FLNB: variants seen among roughly 807,000 people sequenced by gnomAD.
The protein encoded by FLNB is filamin B, also known as filamin-B.
FLNB carries 111 observed loss-of-function variants against 250.6 expected under a neutral mutation model. The ratio of observed to expected loss-of-function variants is 0.44; its 90% confidence interval spans 0.38 to 0.52. The LOEUF (loss-of-function observed/expected upper bound fraction) is 0.52. Among genes scored for constraint, FLNB ranks in the 20% least tolerant of loss-of-function variants. The pLI is 0.00. For missense variants in FLNB, 2,869 were observed against 3,447.8 expected (o/e 0.83, Z 4.20); for synonymous variants, 1,302 against 1,372.1 (o/e 0.95, Z 1.13).
chr3:58,163,127 AC>A (rs779791989), intron 42 of FLNB, 26 bp from the exon 43 acceptor site: 1 of 1,613,038 alleles, frequency 6.2e-7, no homozygotes, highest in Non-Finnish European at 8.5e-7. Context: ...GCTTGATTTC[AC>A]CCTGTGCCTT....
At chr3:58,153,690 C>T (rs748368879) in intron 39 of FLNB, 49 bp downstream of exon 39, 2 of 1,607,830 alleles carry the variant, frequency 1.2e-6, no homozygotes, top group Non-Finnish European at 1.7e-6. Context: ...GAGTTGAGCC[C>T]AGGCAGTGTG....
At chr3:58,090,634 T>C (rs2097225328) in intron 4 of FLNB, among the ~76,000 whole-genome samples, 1 of 152,234 alleles carries the variant, frequency 6.6e-6, no homozygotes, top group Non-Finnish European at 1.5e-5. Context: ...CATCATTGTA[T>C]GTGTGGACTA....
rs141387583 is a variant in FLNB, at chr3:58,099,654, C to G, written c.1345+746C>G. Among the ~76,000 whole-genome samples the G allele has an allele frequency of 4.8e-3, 728 of 152,310 alleles. 3 individuals are homozygous for G. Among genetic ancestry groups the G allele is most frequent in the Admixed American group, 7.8e-3 (119 of 15,300 alleles). ...CGTCTGCAGACGTGGCTTCCTCTTC[C>G]GAATCCTACCTCTGGGCCAGCCTGG... On this transcript the variant is annotated intron_variant, in intron 8 of 45. Coordinates refer to ENST00000295956, the MANE Select transcript of FLNB (RefSeq NM_001457.4).
At chr3:58,035,025 C>T (rs1474270242) in intron 1 of FLNB, among the ~76,000 whole-genome samples, 2 of 152,216 alleles carry the variant, frequency 1.3e-5, no homozygotes, top group African/African-American at 4.8e-5. Flanking sequence ...ATCACATGTT[C>T]TACCTGAAAT....
At chr3:58,032,734 C>A (rs1223739846) in intron 1 of FLNB, among the ~76,000 whole-genome samples, 2 of 152,136 alleles carry the variant, frequency 1.3e-5, no homozygotes, top group Admixed American at 1.3e-4. Context: ...GTATCCCAGG[C>A]ACCTGCATAT....
At position 58,147,111 on chromosome 3, in the gene FLNB, A is replaced by C. The variant is rs1319046967; in HGVS notation, c.5728+118A>C. 3.8e-6 allele frequency: 4 copies of C among 1,042,224 alleles called. 1 individual carries two copies. The highest frequency in any genetic ancestry group is 2.9e-5 in the South Asian group (2 of 68,918). The allele number at this position is 1,042,224 out of a possible 1,614,324, so 64.6% of individuals were successfully genotyped here. A position where few individuals can be genotyped will look rare whatever the true frequency, so the allele number is the denominator to read the frequency against. ...ACGTCTCTTTGAGTTTAGGTTTCAC[A>C]GAGACTTGTTGAGGAGGAGCAGGGG... On this transcript the variant is annotated intron_variant, in intron 34 of 45. Transcript: ENST00000295956.
intron 1 of FLNB, among the ~76,000 whole-genome samples, chr3:58,026,003 G>A (rs552118166): frequency 1.3e-3 from 195 of 152,322 alleles, no homozygotes; most frequent in Non-Finnish European, 2.3e-3. Context: ...TCTTGGCACC[G>A]TGCCTGGCTT....
rs570114744 is a variant in FLNB, at chr3:58,082,200, C to A, written c.787+424C>A. Among the ~76,000 whole-genome samples, 8 of 152,300 alleles carry A rather than the reference C, an allele frequency of 5.3e-5. No homozygotes were observed. The East Asian group carries it at 1.5e-3, about 29-fold the overall frequency. Reference sequence around the variant, plus strand: ...CAGCCGGAGTGGGAGCTATTGTTAACCCCTGGCAGATACTTCCTTGCTAAG... The same window carrying A: ...CAGCCGGAGTGGGAGCTATTGTTAAACCCTGGCAGATACTTCCTTGCTAAG... On this transcript the variant is annotated intron_variant, in intron 4 of 45. Coordinates refer to ENST00000295956, the MANE Select transcript of FLNB (RefSeq NM_001457.4).
At chr3:58,082,907 GT>G (rs1342261316) in intron 4 of FLNB, among the ~76,000 whole-genome samples, 1 of 152,158 alleles carries the variant, frequency 6.6e-6, no homozygotes, top group Non-Finnish European at 1.5e-5. Context: ...CCCTTTGTGT[GT>G]GTTTGCATAT....
intron 43 of FLNB, chr3:58,166,216 T>C (rs1379244685): frequency 6.6e-6 from 1 of 152,242 alleles, no homozygotes; most frequent in Non-Finnish European, 1.5e-5. Flanking sequence ...AACCCCTGCT[T>C]TCTCTTTTCC....
rs1219893920 is a variant in FLNB at position 58,060,997 on chromosome 3, C to T, written c.293-16049C>T. On this transcript the variant is annotated intron_variant, in intron 1 of 45. Transcript: ENST00000295956. Reference sequence around the variant, plus strand: ...GAGGAATGGAAGGCATTTGGATGGCCACTGAGAAAGCTGAGCCAAGGAGCA... The same window carrying T: ...GAGGAATGGAAGGCATTTGGATGGCTACTGAGAAAGCTGAGCCAAGGAGCA... 2.6e-5 allele frequency among the ~76,000 whole-genome samples: 4 copies of T among 152,130 alleles called. No individual in the cohort carries two copies. In the East Asian group the frequency reaches 7.7e-4, roughly 29 times the overall value.
At chr3:58,144,552 G>T (rs965023178) in intron 32 of FLNB, among the ~76,000 whole-genome samples, 2 of 152,196 alleles carry the variant, frequency 1.3e-5, no homozygotes, top group African/African-American at 4.8e-5. Context: ...CCCCAGTGTT[G>T]CTGCGCAAAT....
rs1363745136 is a variant in FLNB, at chr3:58,043,632, G to A, written c.293-33414G>A. ...TCTGCTTCATTCATTTTGGCTCTATGTGGTGGCAGAAGGGCTTCTGGCATC... is the reference window on the plus strand; with the variant it reads ...TCTGCTTCATTCATTTTGGCTCTATATGGTGGCAGAAGGGCTTCTGGCATC... On this transcript the variant is annotated intron_variant, in intron 1 of 45. Coordinates refer to ENST00000295956, the MANE Select transcript of FLNB (RefSeq NM_001457.4). Among the ~76,000 whole-genome samples the A allele has an allele frequency of 3.3e-5, 5 of 152,122 alleles. No homozygotes were observed. The South Asian group carries it at 8.3e-4, about 25-fold the overall frequency.
chr3:58,011,357 A>AT (rs1166039563), intron 1 of FLNB, among the ~76,000 whole-genome samples: 3 of 151,596 alleles, frequency 2.0e-5, no homozygotes, highest in Non-Finnish European at 2.9e-5. Context: ...CTTGCATTCT[A>AT]TTTTTTTCCT....
chr3:58,134,497 G>A (rs1000561002), intron 26 of FLNB, 119 bp from the exon 27 acceptor site: 2 of 1,192,228 alleles, frequency 1.7e-6, no homozygotes, highest in South Asian at 1.2e-5. Flanking sequence ...CTAACTCACT[G>A]TCTTATCTGC....
At position 58,148,769 on chromosome 3, in the gene FLNB, G is replaced by A. The variant is rs563096120; in HGVS notation, c.6008G>A (p.Arg2003His). Residue 2003 changes from arginine (R) to histidine (H), a missense_variant, in exon 36 of 46, where the codon CGC becomes CAC. Coordinates refer to ENST00000295956, the MANE Select transcript of FLNB (RefSeq NM_001457.4). ...GTCCAGTCGGAGATTGGTGACGCCCGCCGAGCCAAAGTCTATGGCCGCGGC... is the reference window on the plus strand; with the variant it reads ...GTCCAGTCGGAGATTGGTGACGCCCACCGAGCCAAAGTCTATGGCCGCGGC... ...MVVQSEIGDA[R>H]RAKVYGRGLS... 2.5e-5 allele frequency: 40 copies of A among 1,614,030 alleles called. No homozygotes were observed. The highest frequency in any genetic ancestry group is 2.1e-4 in the South Asian group (19 of 91,068).
intron 1 of FLNB, among the ~76,000 whole-genome samples, chr3:58,039,568 T>C (rs985984557): frequency 6.6e-6 from 1 of 152,200 alleles, no homozygotes; most frequent in African/African-American, 2.4e-5. Flanking sequence ...GACTTGACTC[T>C]ACTGTAATTC....
intron 1 of FLNB, among the ~76,000 whole-genome samples, chr3:58,053,973 T>A (rs1227193325): frequency 4.6e-5 from 7 of 152,150 alleles, no homozygotes; most frequent in Non-Finnish European, 8.8e-5. Context: ...ACCTGGGCTG[T>A]CCTAGAAGGC....
chr3:58,152,643 A>G, intron 38 of FLNB: 2 of 683,232 alleles, frequency 2.9e-6, no homozygotes, highest in Non-Finnish European at 4.2e-6. Context: ...TTGGAGGGAC[A>G]CAAACATTCA....
Sources: gnomAD v4.1 joint callset for allele counts (sites outside exome capture counted in the v4.1 genomes callset) on GRCh38, gnomAD v4.1.1 for gene constraint, MANE v1.5 for transcripts, NCBI Gene and HGNC (gene_info 2026-07-23, HGNC 2026-07-21) for gene names.